Variants in STX18 observed in about 807,000 individuals in gnomAD.
STX18 encodes the protein syntaxin-18.
Under a neutral mutation model 50.1 loss-of-function variants are expected in STX18, and 40 were observed. The ratio of observed to expected loss-of-function variants is 0.80; its 90% CI spans 0.62 to 1.04. The LOEUF (loss-of-function observed/expected upper bound fraction) is 1.04, where lower values mean the gene tolerates loss of function less well. Among genes scored for constraint, STX18 ranks in the 50% least tolerant of loss-of-function variants. STX18 has a pLI of 0.00. For missense variants in STX18, 410 were observed against 415.8 expected (o/e 0.99, Z 0.12); for synonymous variants, 158 against 151.8 (o/e 1.04, Z -0.30).
At chr4:4,421,666 AT>A in intron 9 of STX18, among the ~76,000 whole-genome samples, 1 of 152,314 alleles carries the variant, frequency 6.6e-6, no homozygotes, top group Non-Finnish European at 1.5e-5. Context: ...CAGCCACCAT[AT>A]GCCAGGGGCT....
At chr4:4,457,151 C>G in intron 5 of STX18, 40 bp downstream of exon 5, 1 of 1,547,816 alleles carries the variant, frequency 6.5e-7, no homozygotes, top group Non-Finnish European at 8.9e-7. Context: ...ATTAGTAGTA[C>G]TATTATTAAT....
At chr4:4,439,563 C>A (rs1298205734) in intron 5 of STX18, among the ~76,000 whole-genome samples, 1 of 129,762 alleles carries the variant, frequency 7.7e-6, no homozygotes, top group Non-Finnish European at 1.6e-5. Flanking sequence ...CACATATATA[C>A]CCCCTACCCA....
chr4:4,461,855 C>T (rs183715384), intron 2 of STX18: 31 of 456,264 alleles, frequency 6.8e-5, no homozygotes, highest in African/African-American at 5.8e-4. Flanking sequence ...TCGCAGAAAG[C>T]ATGGGGTGTG....
At chr4:4,432,000 T>A (rs944739214) in intron 7 of STX18, among the ~76,000 whole-genome samples, 7 of 152,204 alleles carry the variant, frequency 4.6e-5, no homozygotes, top group African/African-American at 1.7e-4. Context: ...TTTCAAGTCA[T>A]AAGGTGAATT....
At chr4:4,533,642 C>G (rs1004365770) in intron 1 of STX18, among the ~76,000 whole-genome samples, 2 of 152,220 alleles carry the variant, frequency 1.3e-5, no homozygotes, top group African/African-American at 4.8e-5. Context: ...TCTGCCCTAA[C>G]AGATGGCTCT....
At chr4:4,466,617 G>A (rs1419495528) in intron 2 of STX18, among the ~76,000 whole-genome samples, 2 of 152,196 alleles carry the variant, frequency 1.3e-5, no homozygotes, top group Non-Finnish European at 2.9e-5. Flanking sequence ...GATGGGAGGA[G>A]CGGGCAGCAT....
At position 4,457,048 on chromosome 4, in the gene STX18, AG is replaced by A. The variant is rs1179613413; in HGVS notation, c.497+142del. On this transcript the variant is annotated intron_variant, in intron 5 of 10. Coordinates refer to ENST00000306200, the MANE Select transcript of STX18 (RefSeq NM_016930.4). ...CTGGCATGCTGCCTGGCACACAGTGAGTGCCCGGTAGCGCCAGCTATGGCAT... is the reference window on the plus strand; with the variant it reads ...CTGGCATGCTGCCTGGCACACAGTGATGCCCGGTAGCGCCAGCTATGGCAT... 4 of 711,442 alleles carry A rather than the reference AG, an allele frequency of 5.6e-6. No homozygotes were observed. In the Admixed American group the frequency reaches 1.0e-4, roughly 18 times the overall value. The allele number at this position is 711,442 out of a possible 1,614,324, so 44.1% of individuals were successfully genotyped here.
intron 1 of STX18, chr4:4,506,972 G>T (rs933232760): frequency 3.0e-6 from 1 of 332,494 alleles, no homozygotes; most frequent in Non-Finnish European, 5.7e-6. Context: ...AAAATTCAGA[G>T]AACTGTATTA....
At chr4:4,528,835 A>G (rs1463233511) in intron 1 of STX18, among the ~76,000 whole-genome samples, 1 of 152,214 alleles carries the variant, frequency 6.6e-6, no homozygotes, top group Non-Finnish European at 1.5e-5. Context: ...CTTTGCCTCA[A>G]TTGGGCAATT....
intron 1 of STX18, among the ~76,000 whole-genome samples, chr4:4,524,351 T>C (rs1335075406): frequency 6.6e-6 from 1 of 152,226 alleles, no homozygotes; most frequent in African/African-American, 2.4e-5. Context: ...TCGTCCCTGA[T>C]TCTCAGCCAA....
At position 4,541,998 on chromosome 4, in the gene STX18, G is replaced by T; in HGVS notation, c.-34C>A. On this transcript the variant is annotated 5_prime_UTR_variant, in exon 1 of 11. Coordinates refer to ENST00000306200, the MANE Select transcript of STX18 (RefSeq NM_016930.4). Reference sequence around the variant, plus strand: ...GCACCCTCAGCCCCACACTAGGCCCGCCCACGTAAGCAGCCGGCGACCGCG... The same window carrying T: ...GCACCCTCAGCCCCACACTAGGCCCTCCCACGTAAGCAGCCGGCGACCGCG... 1 of 1,533,676 alleles carries T rather than the reference G, an allele frequency of 6.5e-7. No homozygotes were observed. Among genetic ancestry groups the T allele is most frequent in the Non-Finnish European group, 8.8e-7 (1 of 1,139,522 alleles).
chr4:4,516,806 T>G (rs568816358), intron 1 of STX18, among the ~76,000 whole-genome samples: 1 of 152,310 alleles, frequency 6.6e-6, no homozygotes, highest in East Asian at 1.9e-4. Flanking sequence ...AAACATAACA[T>G]TTTGTATCAC....
chr4:4,435,630 A>G (rs917788446), intron 6 of STX18, among the ~76,000 whole-genome samples: 5 of 152,220 alleles, frequency 3.3e-5, no homozygotes, highest in African/African-American at 1.2e-4. Context: ...AACTACGCTG[A>G]CAGACCTCAG....
intron 7 of STX18, chr4:4,425,891 T>G (rs1725220868): frequency 6.6e-6 from 1 of 152,534 alleles, no homozygotes; most frequent in Non-Finnish European, 1.5e-5. Context: ...CTTGCCAGTT[T>G]GATATGGGCC....
intron 1 of STX18, among the ~76,000 whole-genome samples, chr4:4,495,323 C>T (rs935100107): frequency 7.2e-5 from 11 of 152,162 alleles, no homozygotes; most frequent in Admixed American, 2.0e-4. Context: ...AAAATGTTCT[C>T]TTACAAATGA....
chr4:4,513,493 G>A (rs1560203538), intron 1 of STX18, among the ~76,000 whole-genome samples: 1 of 152,324 alleles, frequency 6.6e-6, no homozygotes, highest in East Asian at 1.9e-4. Context: ...CTGCTTCGTG[G>A]AAGTCATCTA....
At chr4:4,478,560 A>G (rs1728308854) in intron 1 of STX18, 1 of 152,114 alleles carries the variant, frequency 6.6e-6, no homozygotes, top group Non-Finnish European at 1.5e-5. Context: ...AGAGGAAAAG[A>G]CTCTGTGGGG....
At chr4:4,466,028 GAC>G (rs948793938) in intron 2 of STX18, among the ~76,000 whole-genome samples, 5 of 152,174 alleles carry the variant, frequency 3.3e-5, no homozygotes, top group African/African-American at 7.2e-5. Flanking sequence ...AGATGAGTAG[GAC>G]ACAGTTTTTC....
At chr4:4,497,353 G>C (rs899482168) in intron 1 of STX18, among the ~76,000 whole-genome samples, 8 of 152,206 alleles carry the variant, frequency 5.3e-5, no homozygotes, top group Non-Finnish European at 1.2e-4. Flanking sequence ...ACCAGGGGGA[G>C]AAATGTACTT....
Sources: allele counts gnomAD v4.1 joint callset (sites outside exome capture counted in the v4.1 genomes callset), GRCh38; gene constraint gnomAD v4.1.1; transcripts MANE v1.5; gene names NCBI Gene and HGNC (gene_info 2026-07-23, HGNC 2026-07-21).